Variants in DPP6 observed in about 807,000 individuals in gnomAD.
The protein encoded by DPP6 is dipeptidyl peptidase like 6, also known as A-type potassium channel modulatory protein DPP6.
A neutral mutation model predicts 122.6 loss-of-function variants in DPP6; 69 were observed. The observed-to-expected ratio is 0.56, with a 90% CI of 0.46 to 0.69. The LOEUF is 0.69. DPP6 is among the 30% of genes least tolerant of loss of function. DPP6 has a pLI of 0.00. For missense variants in DPP6, 928 were observed against 1,116.9 expected, an observed-to-expected ratio of 0.83 and a Z score of 2.41; for synonymous variants, 418 against 433.1, an observed-to-expected ratio of 0.97 and a Z score of 0.43.
chr7:154,233,600 C>A (rs1427327894), intron 1 of DPP6, among the ~76,000 whole-genome samples: 1 of 152,132 alleles, frequency 6.6e-6, no homozygotes, highest in African/African-American at 2.4e-5. Context: ...GAGATGGAGG[C>A]AGAGATCATG....
intron 7 of DPP6, among the ~76,000 whole-genome samples, chr7:154,697,489 C>A (rs530690481): frequency 6.6e-6 from 1 of 152,214 alleles, no homozygotes; most frequent in Non-Finnish European, 1.5e-5. Context: ...GGCCTCTCAT[C>A]GGGCCCCTTG....
At chr7:154,767,490 G>T (rs563621367) in intron 8 of DPP6, among the ~76,000 whole-genome samples, 2 of 152,046 alleles carry the variant, frequency 1.3e-5, no homozygotes, top group African/African-American at 4.8e-5. Flanking sequence ...GCACCTGAAC[G>T]TCCACCTCCT....
chr7:154,061,351 A>G (rs376283330), intron 1 of DPP6, among the ~76,000 whole-genome samples: 7,745 of 132,792 alleles, frequency 0.058, 1 homozygote, highest in East Asian at 0.09. Flanking sequence ...TTTCCATTGT[A>G]TGCGTCAGAG....
the DPP6 span, among the ~76,000 whole-genome samples, chr7:153,755,803 G>A: frequency 3.7e-4 from 56 of 152,080 alleles, no homozygotes; most frequent in Non-Finnish European, 5.9e-4. Context: ...ATATCTTTGT[G>A]AAGCTTTGTT....
intron 6 of DPP6, among the ~76,000 whole-genome samples, chr7:154,640,465 A>AGC (rs550123183): frequency 0.068 from 9,298 of 137,088 alleles, 357 homozygotes; most frequent in Non-Finnish European, 0.09. Flanking sequence ...CACTGAACAC[A>AGC]GCGCCCCTGA....
At chr7:154,201,489 G>C (rs1453615243) in intron 1 of DPP6, among the ~76,000 whole-genome samples, 1 of 152,178 alleles carries the variant, frequency 6.6e-6, no homozygotes, top group African/African-American at 2.4e-5. Flanking sequence ...AGTGGGTTAA[G>C]GCTTATGCCT....
intron 1 of DPP6, among the ~76,000 whole-genome samples, chr7:154,388,598 A>G (rs1814326886): frequency 6.6e-6 from 1 of 152,124 alleles, no homozygotes; most frequent in Admixed American, 6.5e-5. Flanking sequence ...TATCTCTGCC[A>G]GGGTCTGCTG....
intron 7 of DPP6, among the ~76,000 whole-genome samples, chr7:154,703,627 A>G (rs2131273956): frequency 6.6e-6 from 1 of 151,830 alleles, no homozygotes; most frequent in South Asian, 2.1e-4. Flanking sequence ...TCAAAAAAAA[A>G]AAAAAAAAGA....
chr7:154,176,577 T>C (rs2150738554), intron 1 of DPP6, among the ~76,000 whole-genome samples: 1 of 152,376 alleles, frequency 6.6e-6, no homozygotes, highest in South Asian at 2.1e-4. Context: ...CGTATGTGTG[T>C]GTCCAGAGTC....
chr7:154,592,451 A>G (rs1002860953), intron 5 of DPP6, among the ~76,000 whole-genome samples: 1 of 152,196 alleles, frequency 6.6e-6, no homozygotes, highest in African/African-American at 2.4e-5. Flanking sequence ...AGGCACAGGG[A>G]ATACTGTGGT....
intron 1 of DPP6, among the ~76,000 whole-genome samples, chr7:154,031,374 G>A (rs1350701703): frequency 3.3e-5 from 5 of 150,278 alleles, no homozygotes; most frequent in Non-Finnish European, 7.4e-5. Context: ...AGGGGCCTGT[G>A]AACTTAAAGA....
At chr7:154,248,265 C>T (rs1362664990) in intron 1 of DPP6, among the ~76,000 whole-genome samples, 3 of 152,122 alleles carry the variant, frequency 2.0e-5, no homozygotes, top group Admixed American at 6.5e-5. Flanking sequence ...AACTTTCAGA[C>T]CATTAAAGTG....
At chr7:154,569,555 A>G (rs1018508658) in intron 5 of DPP6, among the ~76,000 whole-genome samples, 3 of 151,916 alleles carry the variant, frequency 2.0e-5, no homozygotes, top group Admixed American at 1.3e-4. Flanking sequence ...TTATGTGTGT[A>G]TCTCAAAGGC....
rs528303819 is a variant in DPP6 at position 154,596,361 on chromosome 7, C to T, written c.627+29445C>T. ...TCTGAGGGATGGAGAAGGAGAGGCA[C>T]GACTCGCAAGTGCCAGGAATTCACA... On this transcript the variant is annotated intron_variant, in intron 5 of 25. Transcript: ENST00000377770. 1.3e-4 allele frequency among the ~76,000 whole-genome samples: 20 copies of T among 152,302 alleles called. No individual in the cohort carries two copies. In the East Asian group the frequency reaches 2.5e-3, roughly 19 times the overall value.
rs1310478201 is a variant in DPP6, at chr7:154,870,143, A to ATTT, written c.1813+2052_1813+2053insTTT. On this transcript the variant is annotated intron_variant, in intron 18 of 25. Transcript: ENST00000377770. ...CACAGGCAGGCCACATGCCCAACTA[A>ATTT]TTCTTTTTTTTTTTTTTTTTTCGTA... is the stretch of plus-strand genomic sequence containing the variant. Among the ~76,000 whole-genome samples, 3 of 110,878 alleles carry ATTT rather than the reference A, an allele frequency of 2.7e-5. 1 individual carries two copies. Among genetic ancestry groups the ATTT allele is most frequent in the Admixed American group, 8.9e-5 (1 of 11,180 alleles). 72.7% of individuals were successfully genotyped at this position (110,878 alleles called of 152,430 possible).
intron 10 of DPP6, among the ~76,000 whole-genome samples, chr7:154,789,223 C>T (rs1456813804): frequency 6.6e-6 from 1 of 152,174 alleles, no homozygotes; most frequent in African/African-American, 2.4e-5. Context: ...CATGGATCGT[C>T]TGGGCTGAGT....
chr7:154,402,655 G>A (rs902225696), intron 1 of DPP6, among the ~76,000 whole-genome samples: 6 of 148,790 alleles, frequency 4.0e-5, no homozygotes, highest in East Asian at 2.0e-4. Context: ...GCTAGATGAC[G>A]AGTTAGTGGG....
At chr7:154,752,161 G>A (rs568800413) in intron 8 of DPP6, among the ~76,000 whole-genome samples, 2 of 152,108 alleles carry the variant, frequency 1.3e-5, no homozygotes, top group Admixed American at 6.5e-5. Context: ...TGGGGGAGCC[G>A]ACAGCATGAC....
chr7:154,800,593 G>T (rs896627192), intron 12 of DPP6, among the ~76,000 whole-genome samples: 1 of 152,206 alleles, frequency 6.6e-6, no homozygotes, highest in East Asian at 1.9e-4. Flanking sequence ...AGATGGTGGC[G>T]ACACCTGCCC....
Sources: allele counts gnomAD v4.1 joint callset (sites outside exome capture counted in the v4.1 genomes callset), GRCh38; gene constraint gnomAD v4.1.1; transcripts MANE v1.5; gene names NCBI Gene and HGNC (gene_info 2026-07-23, HGNC 2026-07-21).